Variants in FNBP1 observed in about 807,000 individuals in gnomAD.
FNBP1 encodes formin-binding protein 1.
A neutral mutation model predicts 90.6 loss-of-function variants in FNBP1; 26 were observed. The ratio of observed to expected loss-of-function variants is 0.29; its 90% CI spans 0.21 to 0.40. The LOEUF is 0.40. FNBP1 is among the 10% of genes least tolerant of loss of function. The pLI is 1.00. For synonymous variants in FNBP1, 260 were observed against 265.2 expected, an observed-to-expected ratio of 0.98 and a Z score of 0.19; for missense variants, 635 against 768.0, an observed-to-expected ratio of 0.83 and a Z score of 2.05.
At chr9:130,038,995 GA>G (rs535228642) in intron 1 of FNBP1, among the ~76,000 whole-genome samples, 134 of 147,770 alleles carry the variant, frequency 9.1e-4, no homozygotes, top group East Asian at 3.3e-3. Context: ...AAGTAGGCAA[GA>G]AAAAAAAAAC....
At chr9:129,989,355 G>A (rs2052766384) in intron 2 of FNBP1, among the ~76,000 whole-genome samples, 1 of 152,180 alleles carries the variant, frequency 6.6e-6, no homozygotes, top group Non-Finnish European at 1.5e-5. Context: ...CTGGCACCTT[G>A]TTGTTCTACT....
At chr9:129,932,842 C>G (rs185074134) in intron 6 of FNBP1, among the ~76,000 whole-genome samples, 1 of 152,206 alleles carries the variant, frequency 6.6e-6, no homozygotes, top group East Asian at 1.9e-4. Flanking sequence ...AGTAGCCCTC[C>G]TCTGTTTAAA....
intron 6 of FNBP1, among the ~76,000 whole-genome samples, chr9:129,931,266 C>T (rs2042693715): frequency 6.6e-6 from 1 of 151,810 alleles, no homozygotes; most frequent in Non-Finnish European, 1.5e-5. Flanking sequence ...CACTGCATTC[C>T]AGCCTGCGCA....
the FNBP1 span, among the ~76,000 whole-genome samples, chr9:130,052,109 T>C: frequency 6.6e-6 from 1 of 152,230 alleles, no homozygotes; most frequent in African/African-American, 2.4e-5. Context: ...AAGAAGTAAC[T>C]GTAGAGAAAA....
chr9:129,950,624 T>C (rs1038382516), intron 6 of FNBP1, among the ~76,000 whole-genome samples: 1 of 152,180 alleles, frequency 6.6e-6, no homozygotes, highest in Admixed American at 6.6e-5. Context: ...AAACCCTAAG[T>C]TGAAAACTGA....
chr9:129,975,364 C>T (rs576653454), intron 4 of FNBP1, among the ~76,000 whole-genome samples: 1 of 152,318 alleles, frequency 6.6e-6, no homozygotes, highest in African/African-American at 2.4e-5. Context: ...ATGATGTTTA[C>T]AGCTCCTCCC....
At chr9:129,944,016 A>T (rs763179747) in intron 6 of FNBP1, among the ~76,000 whole-genome samples, 15 of 148,260 alleles carry the variant, frequency 1.0e-4, no homozygotes, top group Non-Finnish European at 2.2e-4. Context: ...AAAACCTGCT[A>T]TCGTTCTGAT....
chr9:129,943,384 CTT>C (rs11415197), intron 6 of FNBP1, among the ~76,000 whole-genome samples: 6,037 of 102,502 alleles, frequency 0.059, 102 homozygotes, highest in Middle Eastern at 0.11. Context: ...TCATTAATTG[CTT>C]TTTTTTTTTT....
At chr9:129,986,095 C>T (rs938933192) in intron 2 of FNBP1, among the ~76,000 whole-genome samples, 1 of 151,328 alleles carries the variant, frequency 6.6e-6, no homozygotes, top group Admixed American at 6.6e-5. Context: ...GAGATCGTGC[C>T]ACTGCATTCC....
intron 10 of FNBP1, among the ~76,000 whole-genome samples, chr9:129,917,800 C>T (rs1296107059): frequency 6.6e-6 from 1 of 152,160 alleles, no homozygotes; most frequent in African/African-American, 2.4e-5. Flanking sequence ...CAGTCACATT[C>T]CTGACTGTCT....
At chr9:129,983,852 C>A (rs984242875) in intron 2 of FNBP1, among the ~76,000 whole-genome samples, 4 of 152,022 alleles carry the variant, frequency 2.6e-5, no homozygotes, top group African/African-American at 9.7e-5. Context: ...ACAACAACAA[C>A]AAAAATGAAC....
At chr9:130,002,832 C>G (rs1263878314) in intron 1 of FNBP1, among the ~76,000 whole-genome samples, 6 of 152,118 alleles carry the variant, frequency 3.9e-5, no homozygotes, top group Non-Finnish European at 8.8e-5. Context: ...TCAGGAACCT[C>G]GCTGAACCAC....
At chr9:130,029,248 T>C (rs1012878183) in intron 1 of FNBP1, among the ~76,000 whole-genome samples, 2 of 151,982 alleles carry the variant, frequency 1.3e-5, no homozygotes, top group Non-Finnish European at 2.9e-5. Context: ...CTCAACTTCC[T>C]GAGCTCAAGC....
chr9:129,965,417 G>A (rs948821458), intron 4 of FNBP1, among the ~76,000 whole-genome samples: 1 of 152,150 alleles, frequency 6.6e-6, no homozygotes, highest in Admixed American at 6.5e-5. Flanking sequence ...AATGGGCCAG[G>A]GTCAGGCCTA....
At position 129,957,955 on chromosome 9, in the gene FNBP1, T is replaced by A. The variant is rs1220452967; in HGVS notation, c.409-491A>T. ...ATCAAAACTGTCTAATCTTTATTAT[T>A]TCCACGTGACTTTTAGAAAAATACT... On this transcript the variant is annotated intron_variant, in intron 5 of 16. Coordinates refer to ENST00000446176, the MANE Select transcript of FNBP1 (RefSeq NM_015033.3). The surrounding 1 kb of genome is among the most constrained non-coding windows in gnomAD (Gnocchi z 4.3). Among the ~76,000 whole-genome samples, 1 of 152,218 alleles carries A rather than the reference T, an allele frequency of 6.6e-6. No homozygotes were observed. Among genetic ancestry groups the A allele is most frequent in the Admixed American group, 6.5e-5 (1 of 15,274 alleles).
rs118145002 is a variant in FNBP1, at chr9:130,042,770, A to T, written c.24+182T>A. Reference sequence around the variant, plus strand: ...GCCTCCGAAGGACAAGCCGGCCCGCACCTCCTGCTCGGGCCAAGGCGGACG... The same window carrying T: ...GCCTCCGAAGGACAAGCCGGCCCGCTCCTCCTGCTCGGGCCAAGGCGGACG... On this transcript the variant is annotated intron_variant, in intron 1 of 16. Coordinates refer to ENST00000446176, the MANE Select transcript of FNBP1 (RefSeq NM_015033.3). The surrounding 1 kb of genome is among the most constrained non-coding windows in gnomAD (Gnocchi z 5.5). Among the ~76,000 whole-genome samples the T allele has an allele frequency of 0.021, 3,220 of 151,124 alleles. 47 individuals carry two copies. Among genetic ancestry groups the T allele is most frequent in the Middle Eastern group, 0.035 (10 of 288 alleles).
chr9:129,893,470 G>A (rs541438325), intron 16 of FNBP1, among the ~76,000 whole-genome samples: 7 of 150,152 alleles, frequency 4.7e-5, no homozygotes, highest in East Asian at 2.0e-4. Context: ...AAGATTAGCC[G>A]GGTGTGGTGG....
chr9:129,952,557 T>C (rs1000202943), intron 6 of FNBP1, among the ~76,000 whole-genome samples: 1 of 152,000 alleles, frequency 6.6e-6, no homozygotes, highest in Non-Finnish European at 1.5e-5. Flanking sequence ...AAGACACATG[T>C]AAATATGAGG....
intron 1 of FNBP1, among the ~76,000 whole-genome samples, chr9:130,007,441 T>C (rs1322946747): frequency 6.6e-6 from 1 of 151,964 alleles, no homozygotes; most frequent in Non-Finnish European, 1.5e-5. Context: ...CTGAGCCAAA[T>C]GTGTTCTGAA....
Sources: allele counts gnomAD v4.1 joint callset (sites outside exome capture counted in the v4.1 genomes callset), GRCh38; gene constraint gnomAD v4.1.1; non-coding constraint Gnocchi (gnomAD v3.1); transcripts MANE v1.5; gene names NCBI Gene and HGNC (gene_info 2026-07-23, HGNC 2026-07-21).